Variants in COL6A6 observed in about 807,000 individuals in gnomAD.
COL6A6 encodes the protein collagen type VI alpha 6 chain.
COL6A6 carries 183 observed loss-of-function variants against 208.6 expected under a neutral mutation model. The ratio of observed to expected loss-of-function variants is 0.88; its 90% CI spans 0.78 to 0.99. The LOEUF (loss-of-function observed/expected upper bound fraction) is 0.99, where lower values mean the gene tolerates loss of function less well. Ranked by LOEUF, COL6A6 falls within the 50% of genes least tolerant of loss-of-function variation. COL6A6 has a pLI of 0.00. For synonymous variants in COL6A6, 973 were observed against 1,011.8 expected (o/e 0.96, Z 0.73); for missense variants, 2,816 against 2,815.2 (o/e 1.00, Z -0.01).
chr3:130,641,233 A>G (rs1030616462), intron 28 of COL6A6, among the ~76,000 whole-genome samples: 1 of 147,226 alleles, frequency 6.8e-6, no homozygotes, highest in African/African-American at 2.4e-5. Flanking sequence ...TTACAACAAC[A>G]AACAGTAAGG....
intron 17 of COL6A6, among the ~76,000 whole-genome samples, chr3:130,593,461 C>T (rs1380819996): frequency 6.6e-6 from 1 of 152,044 alleles, no homozygotes; most frequent in Admixed American, 6.6e-5. Flanking sequence ...GTAAGGTGGC[C>T]GGGGGCTTTA....
intron 1 of COL6A6, among the ~76,000 whole-genome samples, 183 bp from the exon 2 acceptor site, chr3:130,560,151 C>G (rs1212162600): frequency 6.6e-6 from 1 of 152,148 alleles, no homozygotes; most frequent in Non-Finnish European, 1.5e-5. Flanking sequence ...ACTCTTACGA[C>G]TTTGTAAATA....
intron 1 of COL6A6, among the ~76,000 whole-genome samples, chr3:130,559,736 A>C (rs1342077319): frequency 6.6e-6 from 1 of 152,186 alleles, no homozygotes; most frequent in Non-Finnish European, 1.5e-5. Flanking sequence ...TGCCTCATGC[A>C]GTTCTGGGAA....
intron 1 of COL6A6, among the ~76,000 whole-genome samples, chr3:130,547,066 ACTC>A (rs1456201485): frequency 6.6e-6 from 1 of 152,208 alleles, no homozygotes; most frequent in Non-Finnish European, 1.5e-5. Context: ...GCCTGCCTGC[ACTC>A]CTCAGCCCTT....
chr3:130,567,081 G>A lies in COL6A6; in HGVS notation c.1662G>A (p.Leu554=), dbSNP rs2063045279. Residue 554 remains leucine, a synonymous_variant, in exon 5 of 37, where the codon TTG becomes TTA. Transcript: ENST00000358511. ...ATGGCATGTCCAAGGATAGCATCTT[G>A]GAGCCTGCAAACAGACTGAGAGAAG... ...LTNGMSKDSI[L]EPANRLREEH... is the part of the protein sequence containing the mutation. 6.2e-7 allele frequency: 1 copy of A among 1,613,902 alleles called. No homozygotes were observed. Among genetic ancestry groups the A allele is most frequent in the Admixed American group, 1.7e-5 (1 of 60,004 alleles).
Position 130,574,251 on chromosome 3 carries a change from G to A in COL6A6, c.3273G>A (p.Arg1091=). The change falls in exon 8 of 37, where the codon AGG becomes AGA. Residue 1091 remains arginine, a synonymous_variant. Coordinates refer to ENST00000358511, the MANE Select transcript of COL6A6 (RefSeq NM_001102608.3). ...TCAGGGAGGTGGAACATTACTTCAGGCCAGACATGGGCAGCAGGATAAATA... is the reference window on the plus strand; with the variant it reads ...TCAGGGAGGTGGAACATTACTTCAGACCAGACATGGGCAGCAGGATAAATA... ...AALREVEHYF[R]PDMGSRINTG... 1 of 1,613,980 alleles carries A rather than the reference G, an allele frequency of 6.2e-7. No individual in the cohort carries two copies. Among genetic ancestry groups the A allele is most frequent in the Non-Finnish European group, 8.5e-7 (1 of 1,179,902 alleles).
At chr3:130,564,689 G>A (rs2062974158) in intron 3 of COL6A6, among the ~76,000 whole-genome samples, 1 of 152,194 alleles carries the variant, frequency 6.6e-6, no homozygotes, top group Non-Finnish European at 1.5e-5. Context: ...CAATGGCTAT[G>A]GTTCACTGAA....
intron 29 of COL6A6, among the ~76,000 whole-genome samples, chr3:130,642,400 G>A (rs541184280): frequency 1.3e-5 from 2 of 152,226 alleles, no homozygotes; most frequent in African/African-American, 4.8e-5. Flanking sequence ...TCTGGCTGCT[G>A]TTCAGTGGCT....
intron 36 of COL6A6, among the ~76,000 whole-genome samples, chr3:130,666,667 T>C (rs1394533192): frequency 6.6e-6 from 1 of 151,884 alleles, no homozygotes; most frequent in Non-Finnish European, 1.5e-5. Flanking sequence ...TTACAGAAAA[T>C]GCTGAAATAG....
In COL6A6 at chr3:130,570,732, C is replaced by T. The variant is rs114305070; in HGVS notation, c.2402-86C>T. ...CAGCATGATCCCCTTGGAGAGAAAA[C>T]ACTAGCAATTTATAAAAAGGTTGAG... is the stretch of plus-strand genomic sequence containing the variant. On this transcript the variant is annotated intron_variant, in intron 6 of 36. Coordinates refer to ENST00000358511, the MANE Select transcript of COL6A6 (RefSeq NM_001102608.3). 1,101 of 1,001,670 alleles carry T rather than the reference C, an allele frequency of 1.1e-3. 10 individuals carry two copies. The highest frequency in any genetic ancestry group is 9.1e-3 in the African/African-American group (559 of 61,694). The allele number at this position is 1,001,670 out of a possible 1,614,324, so 62.0% of individuals were successfully genotyped here. A position where few individuals can be genotyped will look rare whatever the true frequency, so the allele number is the denominator to read the frequency against.
chr3:130,544,752 T>C (rs189957057), intron 1 of COL6A6, among the ~76,000 whole-genome samples: 2 of 152,322 alleles, frequency 1.3e-5, no homozygotes, highest in African/African-American at 4.8e-5. Flanking sequence ...TGATACCTTA[T>C]TGTGGTTTTG....
At chr3:130,569,495 G>A (rs1381381737) in intron 6 of COL6A6, among the ~76,000 whole-genome samples, 3 of 152,198 alleles carry the variant, frequency 2.0e-5, no homozygotes, top group South Asian at 4.1e-4. Flanking sequence ...TTCTGAAAAT[G>A]AAGGACATAG....
intron 23 of COL6A6, among the ~76,000 whole-genome samples, chr3:130,618,476 C>G (rs2064604534): frequency 2.0e-5 from 3 of 152,188 alleles, no homozygotes; most frequent in Admixed American, 2.0e-4. Flanking sequence ...CTTTAAATGC[C>G]CTAAGCTTCT....
intron 12 of COL6A6, among the ~76,000 whole-genome samples, chr3:130,590,810 G>C (rs1401988138): frequency 2.6e-5 from 4 of 151,550 alleles, no homozygotes; most frequent in Admixed American, 2.6e-4. Flanking sequence ...CTCTTGATCC[G>C]CCCGCCTGGG....
At position 130,613,949 on chromosome 3, in the gene COL6A6, T is replaced by C. The variant is rs555220258; in HGVS notation, c.4815+3238T>C. On this transcript the variant is annotated intron_variant, in intron 23 of 36. Coordinates refer to ENST00000358511, the MANE Select transcript of COL6A6 (RefSeq NM_001102608.3). The stretch of plus-strand genomic sequence containing the variant: ...ACTGGGTTTTTTAGATATAAAATCT[T>C]GTCATTTGCAAACAGGGATAGTTTG... Among the ~76,000 whole-genome samples, 4 of 152,188 alleles carry C rather than the reference T, an allele frequency of 2.6e-5. No homozygotes were observed. In the South Asian group the frequency reaches 8.3e-4, roughly 31 times the overall value.
At chr3:130,536,662 C>G (rs1440414701) in intron 1 of COL6A6, among the ~76,000 whole-genome samples, 3 of 152,102 alleles carry the variant, frequency 2.0e-5, no homozygotes, top group African/African-American at 7.2e-5. Context: ...GTAGAACAAG[C>G]ATGTCCTGTT....
chr3:130,589,037 A>C, intron 11 of COL6A6, 53 bp from the exon 12 acceptor site: 1 of 1,384,930 alleles, frequency 7.2e-7, no homozygotes. Context: ...CTTGTATATG[A>C]GATTTGGGAA....
At chr3:130,582,093 G>T in intron 10 of COL6A6, 25 bp downstream of exon 10, 1 of 1,400,064 alleles carries the variant, frequency 7.1e-7, no homozygotes, top group East Asian at 2.4e-5. Flanking sequence ...GAAGTGGGAA[G>T]GGAGTGCTTA....
At chr3:130,601,392 C>T (rs1053133581) in intron 20 of COL6A6, among the ~76,000 whole-genome samples, 2 of 152,082 alleles carry the variant, frequency 1.3e-5, no homozygotes, top group Non-Finnish European at 2.9e-5. Context: ...GAAAAGAGAT[C>T]GTTTAAAATA....
Sources: allele counts gnomAD v4.1 joint callset (sites outside exome capture counted in the v4.1 genomes callset), GRCh38; gene constraint gnomAD v4.1.1; transcripts MANE v1.5; gene names NCBI Gene and HGNC (gene_info 2026-07-23, HGNC 2026-07-21).